Variants in RAD51B observed in about 807,000 individuals in gnomAD.
The protein encoded by RAD51B is RAD51 paralog B.
In RAD51B, 38 loss-of-function variants were observed where a neutral mutation model predicts 42.2. That is an observed-to-expected ratio of 0.90 (90% confidence interval 0.70 to 1.18). The LOEUF (loss-of-function observed/expected upper bound fraction) is 1.18, where lower values mean the gene tolerates loss of function less well. Among genes scored for constraint, RAD51B ranks in the 50% most tolerant of loss-of-function variants. RAD51B has a pLI of 0.00. For missense variants in RAD51B, 373 were observed against 400.7 expected (o/e 0.93, Z 0.59); for synonymous variants, 154 against 145.2 (o/e 1.06, Z -0.43).
intron 8 of RAD51B, among the ~76,000 whole-genome samples, chr14:68,341,581 T>C (rs1300994134): frequency 1.3e-5 from 2 of 152,230 alleles, no homozygotes. Flanking sequence ...GTCATCATCG[T>C]TTCTGCTGTA....
At chr14:68,583,706 G>A (rs1377764270) in intron 10 of RAD51B, among the ~76,000 whole-genome samples, 1 of 152,146 alleles carries the variant, frequency 6.6e-6, no homozygotes, top group Non-Finnish European at 1.5e-5. Context: ...GTGCCCTCAA[G>A]CCACCCCTGG....
chr14:67,977,824 A>C (rs756697380), intron 7 of RAD51B, among the ~76,000 whole-genome samples: 1 of 152,252 alleles, frequency 6.6e-6, no homozygotes, highest in Non-Finnish European at 1.5e-5. Context: ...CCTGGAGAAC[A>C]AAGCCTGAGA....
chr14:68,590,199 T>C (rs556696021), intron 10 of RAD51B, among the ~76,000 whole-genome samples: 2 of 152,174 alleles, frequency 1.3e-5, no homozygotes, highest in African/African-American at 4.8e-5. Context: ...AACTCACCAG[T>C]CTGCCTCTGT....
intron 5 of RAD51B, among the ~76,000 whole-genome samples, chr14:67,883,215 C>G (rs186219866): frequency 6.6e-6 from 1 of 152,046 alleles, no homozygotes; most frequent in African/African-American, 2.4e-5. Context: ...AGCCTCTTCT[C>G]CATTGGGCAG....
chr14:68,375,409 A>G (rs932614033), intron 8 of RAD51B, among the ~76,000 whole-genome samples: 1 of 151,998 alleles, frequency 6.6e-6, no homozygotes, highest in African/African-American at 2.4e-5. Context: ...TCACGATTTT[A>G]TTTTCTCGTT....
chr14:68,371,052 A>AG (rs1566839070), intron 8 of RAD51B, among the ~76,000 whole-genome samples: 3 of 89,500 alleles, frequency 3.4e-5, no homozygotes, highest in Non-Finnish European at 4.8e-5. Context: ...AAAAAAAAAA[A>AG]AAAGAAAAAA....
intron 7 of RAD51B, among the ~76,000 whole-genome samples, chr14:68,251,120 G>A (rs893292986): frequency 6.6e-6 from 1 of 151,946 alleles, no homozygotes; most frequent in Non-Finnish European, 1.5e-5. Context: ...TCATTGACAA[G>A]TCCTTGATTC....
chr14:67,863,544 G>A (rs781777867), intron 4 of RAD51B, among the ~76,000 whole-genome samples: 1 of 151,928 alleles, frequency 6.6e-6, no homozygotes, highest in Non-Finnish European at 1.5e-5. Flanking sequence ...ACTTCATAAT[G>A]TATCTGAGAC....
chr14:68,562,071 G>A (rs1244285961), intron 10 of RAD51B: 3 of 985,284 alleles, frequency 3.0e-6, no homozygotes, highest in African/African-American at 1.7e-5. Flanking sequence ...ATAATTTGGA[G>A]AGTCCATAAC....
At chr14:68,408,415 T>C (rs2084334318) in intron 8 of RAD51B, among the ~76,000 whole-genome samples, 1 of 152,194 alleles carries the variant, frequency 6.6e-6, no homozygotes, top group Non-Finnish European at 1.5e-5. Flanking sequence ...GATGTAGACT[T>C]GCAGTTCTTG....
At chr14:68,032,255 TGGCTCCTAACCTTATTAAGA>T (rs2076058819) in intron 7 of RAD51B, among the ~76,000 whole-genome samples, 1 of 152,292 alleles carries the variant, frequency 6.6e-6, no homozygotes, top group South Asian at 2.1e-4. Context: ...CCCTTTCTAG[TGGCTCCTAACCTTATTAAGA>T]GTCTCTTGTC....
chr14:68,607,833 G>A (rs550235359), intron 10 of RAD51B, among the ~76,000 whole-genome samples: 50 of 152,284 alleles, frequency 3.3e-4, no homozygotes, highest in African/African-American at 1.2e-3. Flanking sequence ...CAATGTAGGA[G>A]GAGGGGCTGT....
intron 10 of RAD51B, among the ~76,000 whole-genome samples, chr14:68,535,460 C>A (rs991735628): frequency 1.3e-5 from 2 of 150,162 alleles, no homozygotes; most frequent in East Asian, 4.0e-4. Context: ...CGACACCTGG[C>A]AAACCTGCCA....
intron 7 of RAD51B, among the ~76,000 whole-genome samples, chr14:68,048,576 T>A (rs2076340758): frequency 6.6e-6 from 1 of 152,204 alleles, no homozygotes; most frequent in Non-Finnish European, 1.5e-5. Flanking sequence ...TGGTTTTAGG[T>A]CTAACATTTA....
intron 1 of RAD51B, among the ~76,000 whole-genome samples, chr14:67,821,066 T>G (rs1346291952): frequency 6.6e-6 from 1 of 152,216 alleles, no homozygotes; most frequent in Non-Finnish European, 1.5e-5. Flanking sequence ...TAATCGTGAC[T>G]TTTTAGGAAG....
At chr14:68,238,818 C>T (rs1001638002) in intron 7 of RAD51B, among the ~76,000 whole-genome samples, 6 of 152,296 alleles carry the variant, frequency 3.9e-5, no homozygotes, top group African/African-American at 1.4e-4. Context: ...CTGCATTCCA[C>T]CAGGGATCAG....
chr14:67,918,053 T>C (rs930504743), intron 7 of RAD51B, among the ~76,000 whole-genome samples: 1 of 151,826 alleles, frequency 6.6e-6, no homozygotes, highest in South Asian at 2.1e-4. Flanking sequence ...TAGAAAAAAA[T>C]TTTTAAATGA....
chr14:68,413,709 G>T lies in RAD51B; in HGVS notation c.957+2182G>T, dbSNP rs535223519. Among the ~76,000 whole-genome samples the T allele has an allele frequency of 2.6e-5, 4 of 152,072 alleles. 1 individual carries two copies. The South Asian group carries it at 8.3e-4, about 31-fold the overall frequency. On this transcript the variant is annotated intron_variant, in intron 9 of 10. Transcript: ENST00000471583. The stretch of plus-strand genomic sequence containing the variant: ...TAGTGATTCCCTGAGTCTTTCCTGT[G>T]GTCTTATTTTATGAAAAACCATAGA...
intron 10 of RAD51B, chr14:68,563,028 C>G: frequency 2.0e-6 from 2 of 985,460 alleles, no homozygotes; most frequent in Non-Finnish European, 2.4e-6. Flanking sequence ...ATGAGACCAA[C>G]CTCTCTCACC....
Sources: allele counts gnomAD v4.1 joint callset (sites outside exome capture counted in the v4.1 genomes callset), GRCh38; gene constraint gnomAD v4.1.1; transcripts MANE v1.5; gene names NCBI Gene and HGNC (gene_info 2026-07-23, HGNC 2026-07-21).